Variants in C1GALT1 observed in about 807,000 individuals in gnomAD.
C1GALT1 encodes glycoprotein-N-acetylgalactosamine 3-beta-galactosyltransferase 1.
C1GALT1 carries 11 observed loss-of-function variants against 31.0 expected under a neutral mutation model. That is an observed-to-expected ratio of 0.36 (90% CI 0.22 to 0.59). C1GALT1 has a LOEUF of 0.59. Among genes scored for constraint, C1GALT1 ranks in the 20% least tolerant of loss-of-function variants. The pLI, the probability that C1GALT1 is intolerant of heterozygous loss-of-function variation, is 0.79. For synonymous variants in C1GALT1, 175 were observed against 143.6 expected, an observed-to-expected ratio of 1.22 and a Z score of -1.56; for missense variants, 424 against 425.2, an observed-to-expected ratio of 1.00 and a Z score of 0.03.
chr7:7,221,120 A>C (rs1782493120), intron 1 of C1GALT1, among the ~76,000 whole-genome samples: 1 of 152,168 alleles, frequency 6.6e-6, no homozygotes, highest in Non-Finnish European at 1.5e-5. Flanking sequence ...AATGTCTTTG[A>C]AATATTGAGT....
intron 2 of C1GALT1, among the ~76,000 whole-genome samples, chr7:7,175,218 G>T (rs1383256904): frequency 1.3e-5 from 2 of 152,178 alleles, no homozygotes; most frequent in African/African-American, 4.8e-5. Flanking sequence ...TGTCAATATG[G>T]TCATGGAAGA....
intron 1 of C1GALT1, among the ~76,000 whole-genome samples, chr7:7,198,924 T>A (rs572636996): frequency 3.3e-5 from 5 of 152,332 alleles, no homozygotes; most frequent in Admixed American, 2.6e-4. Context: ...TTCTTCTCTC[T>A]TTTCTTCTCT....
chr7:7,179,211 A>G (rs1780541650), upstream of C1GALT1, among the ~76,000 whole-genome samples: 1 of 152,174 alleles, frequency 6.6e-6, no homozygotes, highest in South Asian at 2.1e-4. Context: ...AAAGTCTGGC[A>G]TGTTTTATAG....
At chr7:7,211,964 G>C (rs1047551952) in intron 1 of C1GALT1, among the ~76,000 whole-genome samples, 1 of 152,192 alleles carries the variant, frequency 6.6e-6, no homozygotes, top group Admixed American at 6.5e-5. Flanking sequence ...TTTCTCTCCA[G>C]TTCTCATTTT....
chr7:7,171,431 TC>T (rs1453700494), intron 2 of C1GALT1, among the ~76,000 whole-genome samples: 1 of 152,140 alleles, frequency 6.6e-6, no homozygotes, highest in Non-Finnish European at 1.5e-5. Flanking sequence ...TCCTTGGCTC[TC>T]TTTTGGTTAC....
Position 7,243,604 on chromosome 7 carries a change from T to G in C1GALT1, c.969T>G (p.Val323=), listed in dbSNP as rs755688614. ...STTMYELEYL[V]YHLRPYGYLY... ...CCATGTATGAGTTAGAATACCTCGT[T>G]TATCATCTTCGTCCATATGGTTATT... Residue 323 remains valine, a synonymous_variant, in exon 4 of 4, where the codon GTT becomes GTG. Coordinates refer to ENST00000436587, the MANE Select transcript of C1GALT1 (RefSeq NM_020156.5). 1.2e-6 allele frequency: 2 copies of G among 1,612,846 alleles called. No homozygotes were observed. The highest frequency in any genetic ancestry group is 2.2e-5 in the South Asian group (2 of 90,910).
intron 2 of C1GALT1, chr7:7,235,150 C>T (rs1050115682): frequency 6.6e-6 from 1 of 152,144 alleles, no homozygotes; most frequent in Non-Finnish European, 1.5e-5. Context: ...CATCATTAAC[C>T]CGCATAATTT....
chr7:7,177,187 T>C (rs1273344505), intron 2 of C1GALT1, among the ~76,000 whole-genome samples: 1 of 152,186 alleles, frequency 6.6e-6, no homozygotes, highest in Non-Finnish European at 1.5e-5. Context: ...CACTACATAA[T>C]CAGGACTTGA....
chr7:7,219,062 C>A (rs1203413047), intron 1 of C1GALT1, among the ~76,000 whole-genome samples: 2 of 152,056 alleles, frequency 1.3e-5, no homozygotes, highest in Non-Finnish European at 2.9e-5. Flanking sequence ...TGGTCTCGAT[C>A]TCCTGACCTT....
At chr7:7,230,209 A>G (rs1434582067) in intron 1 of C1GALT1, among the ~76,000 whole-genome samples, 1 of 152,208 alleles carries the variant, frequency 6.6e-6, no homozygotes, top group African/African-American at 2.4e-5. Context: ...TATATTAAGT[A>G]TGTACTTAAT....
intron 1 of C1GALT1, among the ~76,000 whole-genome samples, chr7:7,205,389 A>G (rs1176821273): frequency 2.0e-5 from 3 of 152,166 alleles, no homozygotes; most frequent in Non-Finnish European, 4.4e-5. Flanking sequence ...TTCTTATGAT[A>G]AACTACAGAA....
At chr7:7,224,973 A>C (rs539208212) in intron 1 of C1GALT1, among the ~76,000 whole-genome samples, 30 of 152,160 alleles carry the variant, frequency 2.0e-4, no homozygotes, top group African/African-American at 7.0e-4. Flanking sequence ...CCCTCCCTCC[A>C]GTCTTAGGTA....
intron 1 of C1GALT1, among the ~76,000 whole-genome samples, chr7:7,213,213 T>G (rs997283805): frequency 6.6e-6 from 1 of 152,180 alleles, no homozygotes. Context: ...AAGTCCTTAA[T>G]ATAGCTTGAT....
At chr7:7,175,027 T>C (rs1205945394) in intron 2 of C1GALT1, among the ~76,000 whole-genome samples, 1 of 152,210 alleles carries the variant, frequency 6.6e-6, no homozygotes, top group Non-Finnish European at 1.5e-5. Context: ...TTTCTTTGTA[T>C]GCTTTGTGAT....
intron 2 of C1GALT1, among the ~76,000 whole-genome samples, chr7:7,159,807 G>A (rs1190515209): frequency 6.6e-6 from 1 of 152,004 alleles, no homozygotes; most frequent in Non-Finnish European, 1.5e-5. Flanking sequence ...ATTCAAAGAG[G>A]GCATTTTCCT....
chr7:7,175,793 G>C (rs1247287983), intron 2 of C1GALT1, among the ~76,000 whole-genome samples: 5 of 151,844 alleles, frequency 3.3e-5, no homozygotes, highest in Non-Finnish European at 5.9e-5. Flanking sequence ...GGCTGACTTG[G>C]TTTCTGCTGA....
chr7:7,239,761 A>T (rs1413071873), intron 3 of C1GALT1, among the ~76,000 whole-genome samples: 1 of 152,098 alleles, frequency 6.6e-6, no homozygotes. Context: ...ACCAAATATT[A>T]ATCTTTTTGC....
upstream of C1GALT1, among the ~76,000 whole-genome samples, chr7:7,180,947 G>T (rs1296591474): frequency 1.3e-5 from 2 of 152,162 alleles, no homozygotes; most frequent in Admixed American, 6.5e-5. Flanking sequence ...GAAAGGCAGG[G>T]TGGGGGCAGG....
intron 1 of C1GALT1, among the ~76,000 whole-genome samples, chr7:7,233,856 G>T (rs1161110688): frequency 6.6e-6 from 1 of 152,124 alleles, no homozygotes; most frequent in African/African-American, 2.4e-5. Flanking sequence ...AACCACATGA[G>T]ACCCAAAAAG....
Sources: gnomAD v4.1 joint callset for allele counts (sites outside exome capture counted in the v4.1 genomes callset) on GRCh38, gnomAD v4.1.1 for gene constraint, MANE v1.5 for transcripts, NCBI Gene and HGNC (gene_info 2026-07-23, HGNC 2026-07-21) for gene names.